The following SLC17A1 variants were observed in gnomAD, a reference collection of about 807,000 sequenced individuals.
The protein encoded by SLC17A1 is solute carrier family 17 member 1.
A neutral mutation model predicts 53.5 loss-of-function variants in SLC17A1; 51 were observed. That is an observed-to-expected ratio of 0.95 (90% CI 0.76 to 1.20). SLC17A1 has a LOEUF of 1.20. Ranked by LOEUF, SLC17A1 falls within the 50% of genes most tolerant of loss-of-function variation. The pLI, the probability that SLC17A1 is intolerant of heterozygous loss-of-function variation, is 0.00. For missense variants in SLC17A1, 538 were observed against 568.2 expected (o/e 0.95, Z 0.54); for synonymous variants, 179 against 198.8 (o/e 0.90, Z 0.84).
At chr6:25,741,367 TGA>T in the SLC17A1 span, among the ~76,000 whole-genome samples, 3 of 144,288 alleles carry the variant, frequency 2.1e-5, no homozygotes, top group Admixed American at 7.1e-5. Context: ...GTCAGGAGTT[TGA>T]GATCAGCCTG....
At chr6:25,770,812 T>C in the SLC17A1 span, 1 of 797,756 alleles carries the variant, frequency 1.3e-6, no homozygotes, top group South Asian at 1.5e-5. Flanking sequence ...GGAACCTAGA[T>C]AGTTTGGCTT....
chr6:25,759,301 A>C, the SLC17A1 span, among the ~76,000 whole-genome samples: 1 of 152,086 alleles, frequency 6.6e-6, no homozygotes, highest in South Asian at 2.1e-4. Context: ...TTCTGTAAAT[A>C]TCTGTTAAGT....
the SLC17A1 span, among the ~76,000 whole-genome samples, chr6:25,753,832 T>A: frequency 1.3e-5 from 2 of 151,814 alleles, no homozygotes; most frequent in African/African-American, 2.4e-5. Context: ...GAGGTCAGAA[T>A]TGGGTGTGAA....
the SLC17A1 span, among the ~76,000 whole-genome samples, chr6:25,750,476 G>A: frequency 6.6e-6 from 1 of 152,154 alleles, no homozygotes; most frequent in Non-Finnish European, 1.5e-5. Context: ...ACTCCCAACA[G>A]TTAAAGATAA....
the SLC17A1 span, among the ~76,000 whole-genome samples, chr6:25,737,535 C>T: frequency 2.0e-5 from 3 of 152,130 alleles, no homozygotes; most frequent in Non-Finnish European, 4.4e-5. Context: ...ATGTATTAAA[C>T]TGTTTCTCTA....
At chr6:25,783,909 G>T (rs1166323090) in intron 12 of SLC17A1, among the ~76,000 whole-genome samples, 1 of 151,762 alleles carries the variant, frequency 6.6e-6, no homozygotes, top group Admixed American at 6.6e-5. Flanking sequence ...GCTGAAACTG[G>T]GCTTTACCTG....
chr6:25,807,493 C>T (rs1330251075), intron 10 of SLC17A1, among the ~76,000 whole-genome samples: 1 of 151,874 alleles, frequency 6.6e-6, no homozygotes, highest in Non-Finnish European at 1.5e-5. Flanking sequence ...TTTGGGGGAA[C>T]AGGTGGTATT....
intron 12 of SLC17A1, among the ~76,000 whole-genome samples, chr6:25,786,572 G>C (rs1011709298): frequency 2.0e-5 from 3 of 152,144 alleles, no homozygotes; most frequent in South Asian, 2.1e-4. Context: ...GATTTGTGTG[G>C]AGTGGATCTG....
chr6:25,821,718 T>G (rs777791871), intron 3 of SLC17A1, among the ~76,000 whole-genome samples: 6 of 152,220 alleles, frequency 3.9e-5, no homozygotes, highest in Non-Finnish European at 8.8e-5. Context: ...GAGCTCATAC[T>G]GAAACTACTC....
chr6:25,785,332 A>T (rs1763358147), intron 12 of SLC17A1, among the ~76,000 whole-genome samples: 1 of 152,160 alleles, frequency 6.6e-6, no homozygotes, highest in African/African-American at 2.4e-5. Flanking sequence ...TGAATCAAAG[A>T]CCTAAATGTA....
At chr6:25,799,609 T>G (rs1165112110) in intron 11 of SLC17A1, among the ~76,000 whole-genome samples, 1 of 152,220 alleles carries the variant, frequency 6.6e-6, no homozygotes. Context: ...TTTCAAATGC[T>G]CAGAAGAGTA....
At position 25,830,508 on chromosome 6, in the gene SLC17A1, C is replaced by A. The variant is rs571066031; in HGVS notation, c.34+16G>T. The A allele has an allele frequency of 1.3e-6, 2 of 1,588,480 alleles. No individual in the cohort carries two copies. The highest frequency in any genetic ancestry group is 2.2e-5 in the South Asian group (2 of 90,434). On this transcript the variant is annotated intron_variant, in intron 2 of 12. Coordinates refer to ENST00000244527, the MANE Select transcript of SLC17A1 (RefSeq NM_005074.5). Reference sequence around the variant, plus strand: ...GAAAAAGAACACCTGTTTAATGGAACAGAATAAAGTGCTACCTTTTTTGGG... The same window carrying A: ...GAAAAAGAACACCTGTTTAATGGAAAAGAATAAAGTGCTACCTTTTTTGGG...
chr6:25,733,948 G>A, the SLC17A1 span, among the ~76,000 whole-genome samples: 4 of 151,856 alleles, frequency 2.6e-5, no homozygotes, highest in African/African-American at 9.7e-5. Flanking sequence ...CCGAGTAGCT[G>A]GGATTACATG....
the SLC17A1 span, among the ~76,000 whole-genome samples, chr6:25,753,825 G>A: frequency 6.6e-6 from 1 of 152,118 alleles, no homozygotes; most frequent in Non-Finnish European, 1.5e-5. Context: ...CAGAGAAGAG[G>A]TCAGAATTGG....
At chr6:25,828,315 C>T (rs962318403) in intron 2 of SLC17A1, among the ~76,000 whole-genome samples, 1 of 152,060 alleles carries the variant, frequency 6.6e-6, no homozygotes. Flanking sequence ...ATTGTTCCAC[C>T]CAAGAATAAA....
intron 12 of SLC17A1, among the ~76,000 whole-genome samples, chr6:25,787,748 A>AC (rs1415063107): frequency 6.6e-6 from 1 of 152,078 alleles, no homozygotes; most frequent in Admixed American, 6.5e-5. Flanking sequence ...GGTCTACAGG[A>AC]CCCCACAGTG....
At chr6:25,764,013 A>G in the SLC17A1 span, among the ~76,000 whole-genome samples, 46 of 152,328 alleles carry the variant, frequency 3.0e-4, no homozygotes, top group African/African-American at 1.0e-3. Context: ...CTTTCAGAAA[A>G]TCCAGGACAT....
At chr6:25,794,976 C>T (rs1581452754) in intron 12 of SLC17A1, among the ~76,000 whole-genome samples, 2 of 152,196 alleles carry the variant, frequency 1.3e-5, no homozygotes, top group African/African-American at 4.8e-5. Flanking sequence ...AGGTAAAATA[C>T]TGCTGATTCC....
the SLC17A1 span, chr6:25,726,883 T>C: frequency 3.8e-6 from 6 of 1,595,726 alleles, no homozygotes; most frequent in Admixed American, 1.7e-5. Flanking sequence ...AAGAACCGTG[T>C]AACGCTGCAG....
Sources: gnomAD v4.1 joint callset for allele counts (sites outside exome capture counted in the v4.1 genomes callset) on GRCh38, gnomAD v4.1.1 for gene constraint, MANE v1.5 for transcripts, NCBI Gene and HGNC (gene_info 2026-07-23, HGNC 2026-07-21) for gene names.